The following SHANK2 variants were observed in gnomAD, a reference collection of about 807,000 sequenced individuals.
The protein encoded by SHANK2 is SH3 and multiple ankyrin repeat domains 2.
Under a neutral mutation model 133.7 loss-of-function variants are expected in SHANK2, and 43 were observed. The observed-to-expected ratio is 0.32, with a 90% CI of 0.25 to 0.41. The LOEUF (loss-of-function observed/expected upper bound fraction) is 0.41. Ranked by LOEUF, SHANK2 falls within the 10% of genes least tolerant of loss-of-function variation. SHANK2 has a pLI of 1.00. For synonymous variants in SHANK2, 1,017 were observed against 952.8 expected, an observed-to-expected ratio of 1.07 and a Z score of -1.24; for missense variants, 1,994 against 2,235.8, an observed-to-expected ratio of 0.89 and a Z score of 2.18.
rs1219637249 is a variant in SHANK2, at chr11:70,774,304, G to C, written c.1777+24139C>G. 2.0e-5 allele frequency among the ~76,000 whole-genome samples: 3 copies of C among 151,818 alleles called. No individual in the cohort carries two copies. In the East Asian group the frequency reaches 5.8e-4, roughly 29 times the overall value. ...CATGGTTGCCAGGGCTCCGGTAAAG[G>C]GGAAATCGGGGAGTGACTTTTGTTT... On this transcript the variant is annotated intron_variant, in intron 14 of 25. Coordinates refer to ENST00000601538, the MANE Select transcript of SHANK2 (RefSeq NM_012309.5).
chr11:70,502,738 C>CGG, intron 18 of SHANK2, 58 bp downstream of exon 18: 1 of 515,066 alleles, frequency 1.9e-6, no homozygotes, highest in Non-Finnish European at 3.2e-6. Flanking sequence ...CCTGCCCGCC[C>CGG]CCACCCCCCC....
Position 70,541,173 on chromosome 11 carries a change from T to G in SHANK2, c.2062-38242A>C, listed in dbSNP as rs555402444. ...CTTTGTAGCCAGTGTCGGTTTTCCC[T>G]CCTGCCTAAGATGGAACGATGCTCC... is the stretch of plus-strand genomic sequence containing the variant. On this transcript the variant is annotated intron_variant, in intron 17 of 25. Transcript: ENST00000601538. 3.9e-5 allele frequency among the ~76,000 whole-genome samples: 6 copies of G among 152,186 alleles called. No individual in the cohort carries two copies. In the East Asian group the frequency reaches 1.2e-3, roughly 29 times the overall value.
At chr11:70,704,236 C>T (rs1945610985) in intron 14 of SHANK2, among the ~76,000 whole-genome samples, 1 of 152,246 alleles carries the variant, frequency 6.6e-6, no homozygotes, top group Non-Finnish European at 1.5e-5. Flanking sequence ...CTTGTACAAA[C>T]TAAATGCATA....
At chr11:71,092,261 A>T (rs1565445577) in intron 8 of SHANK2, among the ~76,000 whole-genome samples, 161 bp downstream of exon 8, 1 of 152,224 alleles carries the variant, frequency 6.6e-6, no homozygotes, top group East Asian at 1.9e-4. Context: ...CACATTTTAA[A>T]ATCATTTTTA....
intron 17 of SHANK2, among the ~76,000 whole-genome samples, chr11:70,566,830 A>G (rs2059974567): frequency 6.6e-6 from 1 of 152,200 alleles, no homozygotes; most frequent in Non-Finnish European, 1.5e-5. Flanking sequence ...TTTCCTGTTC[A>G]GAGACCTTTG....
chr11:70,766,441 G>A (rs1444571546), intron 14 of SHANK2, among the ~76,000 whole-genome samples: 2 of 152,228 alleles, frequency 1.3e-5, no homozygotes, highest in Non-Finnish European at 2.9e-5. Context: ...GGAAGGAGAA[G>A]TCAGAGGGGA....
intron 3 of SHANK2, among the ~76,000 whole-genome samples, chr11:71,130,767 C>T (rs1338066304): frequency 6.6e-6 from 1 of 152,114 alleles, no homozygotes; most frequent in Admixed American, 6.5e-5. Flanking sequence ...GAGGAAATGC[C>T]AGAGCATCTC....
rs184867924 is a variant in SHANK2 at position 71,201,014 on chromosome 11, A to C, written c.-13+23683T>G. On this transcript the variant is annotated intron_variant, in intron 2 of 25. Coordinates refer to ENST00000601538, the MANE Select transcript of SHANK2 (RefSeq NM_012309.5). ...CTGCCACGGGCCCCGAGGATGCATC[A>C]GTAAACAACATAAAGCCCCCACACC... 4.2e-3 allele frequency among the ~76,000 whole-genome samples: 635 copies of C among 152,322 alleles called. 8 individuals are homozygous for C. The highest frequency in any genetic ancestry group is 0.015 in the African/African-American group (610 of 41,562).
Position 71,075,194 on chromosome 11 carries a change from TC to T in SHANK2, c.993del (p.Asn332ThrfsTer28). 3.9e-6 allele frequency: 1 copy of T among 253,928 alleles called. No homozygotes were observed. The highest frequency in any genetic ancestry group is 4.5e-5 in the Admixed American group (1 of 22,186). The allele number at this position is 253,928 out of a possible 1,614,324, so 15.7% of individuals were successfully genotyped here. A position where few individuals can be genotyped will look rare whatever the true frequency, so the allele number is the denominator to read the frequency against. On this transcript the variant is annotated frameshift_variant, in exon 9 of 26. Transcript: ENST00000601538. LOFTEE classifies it high-confidence loss of function. ...AGGGCGCAGATGTGCAAGGCCGTGT[TC>T]CCCGAGGCATTCTGGGCACTCATGT... ...GADMSAQNASGNTALHICALY... is the reference protein window; with the variant it reads ...GADMSAQNASXNTALHICALY...
chr11:70,597,357 A>T (rs560629806), intron 17 of SHANK2, among the ~76,000 whole-genome samples: 3 of 152,244 alleles, frequency 2.0e-5, no homozygotes, highest in South Asian at 4.1e-4. Flanking sequence ...GACACAGGAA[A>T]CCTGGAGGAG....
At chr11:71,220,515 A>T (rs566583675) in intron 2 of SHANK2, among the ~76,000 whole-genome samples, 176 of 152,338 alleles carry the variant, frequency 1.2e-3, no homozygotes, top group Middle Eastern at 6.8e-3. Flanking sequence ...AACAGCCAAA[A>T]GGTTGGAGCA....
chr11:70,706,105 C>T (rs1034871433), intron 14 of SHANK2: 4 of 154,212 alleles, frequency 2.6e-5, no homozygotes, highest in Admixed American at 1.3e-4. Flanking sequence ...TGCTCCCTGG[C>T]TCATCTCCCA....
intron 11 of SHANK2, among the ~76,000 whole-genome samples, chr11:70,843,123 A>G (rs1555062207): frequency 6.6e-6 from 1 of 152,098 alleles, no homozygotes; most frequent in African/African-American, 2.4e-5. Flanking sequence ...GCTGGAAGGT[A>G]CAGGTTTCAG....
intron 17 of SHANK2, among the ~76,000 whole-genome samples, chr11:70,567,048 C>T (rs1056549652): frequency 1.3e-5 from 2 of 152,300 alleles, no homozygotes; most frequent in East Asian, 3.9e-4. Flanking sequence ...GCTTCTGGAA[C>T]CCTCTGAGCT....
intron 17 of SHANK2, among the ~76,000 whole-genome samples, chr11:70,511,552 A>C (rs1457215301): frequency 6.6e-6 from 1 of 152,232 alleles, no homozygotes; most frequent in South Asian, 2.1e-4. Flanking sequence ...CACCAGGGGA[A>C]GGTATGGCTT....
chr11:70,727,470 AT>A (rs1555030965), intron 14 of SHANK2, among the ~76,000 whole-genome samples: 2 of 152,112 alleles, frequency 1.3e-5, no homozygotes, highest in African/African-American at 4.8e-5. Flanking sequence ...GTGGTAGGTA[AT>A]TTGTTCCCTG....
chr11:70,761,108 G>A (rs781909100), intron 14 of SHANK2, among the ~76,000 whole-genome samples: 7 of 152,172 alleles, frequency 4.6e-5, no homozygotes, highest in South Asian at 2.1e-4. Flanking sequence ...AGACAAAGTC[G>A]TCTGCTGTGG....
chr11:71,113,479 A>G, intron 4 of SHANK2, 115 bp from the exon 5 acceptor site: 1 of 878,742 alleles, frequency 1.1e-6, no homozygotes, highest in Non-Finnish European at 1.8e-6. Flanking sequence ...ACCCCACAGC[A>G]AACTTCCAGT....
intron 8 of SHANK2, among the ~76,000 whole-genome samples, chr11:71,086,476 A>C (rs1951420651): frequency 7.3e-6 from 1 of 136,830 alleles, no homozygotes; most frequent in Non-Finnish European, 1.5e-5. Context: ...GTAATATATA[A>C]TTTGTTATAT....
Sources: gnomAD v4.1 joint callset for allele counts (sites outside exome capture counted in the v4.1 genomes callset) on GRCh38, gnomAD v4.1.1 for gene constraint, MANE v1.5 for transcripts, NCBI Gene and HGNC (gene_info 2026-07-23, HGNC 2026-07-21) for gene names.